Variants in CYSTM1 observed in about 807,000 individuals in gnomAD.
CYSTM1 encodes cysteine-rich transmembrane module-containing protein 1.
In CYSTM1, 4 loss-of-function variants were observed where a neutral mutation model predicts 13.1. The observed-to-expected ratio is 0.31, with a 90% CI of 0.15 to 0.70. The LOEUF (loss-of-function observed/expected upper bound fraction) is 0.70. Among genes scored for constraint, CYSTM1 ranks in the 30% least tolerant of loss-of-function variants. CYSTM1 has a pLI of 0.72. For missense variants in CYSTM1, 96 were observed against 121.6 expected, an observed-to-expected ratio of 0.79 and a Z score of 0.99; for synonymous variants, 36 against 42.7, an observed-to-expected ratio of 0.84 and a Z score of 0.62.
At chr5:140,233,689 T>C (rs2126671479) in intron 2 of CYSTM1, among the ~76,000 whole-genome samples, 1 of 152,350 alleles carries the variant, frequency 6.6e-6, no homozygotes, top group Non-Finnish European at 1.5e-5. Flanking sequence ...TTGTATGTAG[T>C]GGCATCTCAT....
At chr5:140,188,703 C>T (rs1306973950) in intron 1 of CYSTM1, among the ~76,000 whole-genome samples, 5 of 146,826 alleles carry the variant, frequency 3.4e-5, no homozygotes, top group African/African-American at 7.6e-5. Context: ...GGCGTGAACC[C>T]GGAAGGCGGA....
chr5:140,235,119 A>T (rs1315822378), intron 2 of CYSTM1, among the ~76,000 whole-genome samples: 1 of 151,840 alleles, frequency 6.6e-6, no homozygotes, highest in Non-Finnish European at 1.5e-5. Context: ...GGCGCCCGCC[A>T]CCACGCCTGG....
intron 2 of CYSTM1, among the ~76,000 whole-genome samples, chr5:140,238,970 A>G (rs1409576689): frequency 6.6e-6 from 1 of 152,166 alleles, no homozygotes; most frequent in African/African-American, 2.4e-5. Context: ...CTGGGTGCCC[A>G]TCGCTGGTCT....
intron 2 of CYSTM1, among the ~76,000 whole-genome samples, chr5:140,222,496 C>T (rs1764503478): frequency 6.6e-6 from 1 of 152,216 alleles, no homozygotes; most frequent in Admixed American, 6.5e-5. Flanking sequence ...TGTGATTATT[C>T]TCTGTGTTAA....
intron 2 of CYSTM1, among the ~76,000 whole-genome samples, chr5:140,233,726 T>C (rs939669257): frequency 2.0e-5 from 3 of 152,232 alleles, no homozygotes; most frequent in African/African-American, 7.2e-5. Context: ...GTTTTCCTAA[T>C]AGTTAGTGAT....
intron 1 of CYSTM1, among the ~76,000 whole-genome samples, chr5:140,186,509 T>C (rs1371387561): frequency 6.6e-6 from 1 of 152,228 alleles, no homozygotes; most frequent in East Asian, 1.9e-4. Context: ...CATGTGATCA[T>C]CACTTCTATT....
At chr5:140,198,538 T>C (rs1246269143) in intron 2 of CYSTM1, among the ~76,000 whole-genome samples, 3 of 152,192 alleles carry the variant, frequency 2.0e-5, no homozygotes, top group Admixed American at 6.5e-5. Context: ...TAGCTTCCAA[T>C]AGAGTGAAAG....
At chr5:140,193,276 G>A (rs1037290885) in intron 1 of CYSTM1, among the ~76,000 whole-genome samples, 13 of 151,772 alleles carry the variant, frequency 8.6e-5, no homozygotes, top group African/African-American at 3.2e-4. Flanking sequence ...GTAATTGTTT[G>A]TTTGTTTGTT....
chr5:140,240,414 C>A (rs1764734216), intron 2 of CYSTM1, among the ~76,000 whole-genome samples: 7 of 151,650 alleles, frequency 4.6e-5, no homozygotes. Context: ...GTTGGGGCCA[C>A]CTCTGCCACA....
chr5:140,224,187 T>G (rs1252545726), intron 2 of CYSTM1, among the ~76,000 whole-genome samples: 1 of 152,218 alleles, frequency 6.6e-6, no homozygotes, highest in Non-Finnish European at 1.5e-5. Context: ...TTGCCCAGGC[T>G]GGAGTGCAGT....
At chr5:140,231,640 A>G (rs1180505661) in intron 2 of CYSTM1, among the ~76,000 whole-genome samples, 1 of 152,256 alleles carries the variant, frequency 6.6e-6, no homozygotes, top group African/African-American at 2.4e-5. Context: ...ACAGTCCAAG[A>G]AGGCTTCCCC....
chr5:140,187,415 A>G (rs1764031583), intron 1 of CYSTM1, among the ~76,000 whole-genome samples: 1 of 152,006 alleles, frequency 6.6e-6, no homozygotes. Flanking sequence ...CCCAGGCTTG[A>G]GTGCCGTGGT....
chr5:140,199,650 C>T (rs549195905), intron 2 of CYSTM1, among the ~76,000 whole-genome samples: 19 of 152,274 alleles, frequency 1.2e-4, no homozygotes, highest in South Asian at 8.3e-4. Context: ...GCCACCATGG[C>T]TGTAATTTTT....
rs1581076916 is a variant in CYSTM1 at position 140,243,349 on chromosome 5, A to C, written c.232A>C (p.Thr78Pro). Residue 78 changes from threonine to proline, a missense_variant, in exon 3 of 3, where the codon ACC becomes CCC. Coordinates refer to ENST00000261811, the MANE Select transcript of CYSTM1 (RefSeq NM_032412.4). ...AAGAAGAGATGAGCTAGGACCATCC[A>C]CCTGCCTCACAGCCTGCTGGACGGC... ...DQRRDELGPS[T>P]CLTACWTALC... The C allele has an allele frequency of 1.9e-6, 3 of 1,614,102 alleles. No homozygotes were observed. The highest frequency in any genetic ancestry group is 1.1e-5 in the South Asian group (1 of 91,080).
chr5:140,220,948 A>G (rs1462403722), intron 2 of CYSTM1, among the ~76,000 whole-genome samples: 1 of 152,172 alleles, frequency 6.6e-6, no homozygotes, highest in East Asian at 1.9e-4. Flanking sequence ...CCACCAACGT[A>G]CAGAGTTTTG....
chr5:140,239,934 C>T lies in CYSTM1; in HGVS notation c.188-3371C>T, dbSNP rs146924145. ...TAGGGTGGTCTGAGACACTAGATAG[C>T]GAATGAGGGATGAGCCTTTTGGCGC... is the stretch of plus-strand genomic sequence containing the variant. On this transcript the variant is annotated intron_variant, in intron 2 of 2. Coordinates refer to ENST00000261811, the MANE Select transcript of CYSTM1 (RefSeq NM_032412.4). This position sits in a 1 kb window ranked among gnomAD's most constrained non-coding sequence, Gnocchi z 5.4. Among the ~76,000 whole-genome samples the T allele has an allele frequency of 2.4e-4, 36 of 152,268 alleles. No individual in the cohort carries two copies. In the East Asian group the frequency reaches 6.6e-3, roughly 28 times the overall value.
intron 2 of CYSTM1, among the ~76,000 whole-genome samples, chr5:140,240,317 C>T: frequency 6.6e-6 from 1 of 151,806 alleles, no homozygotes; most frequent in South Asian, 2.1e-4. Flanking sequence ...TCTTATGTAA[C>T]CATAGTTCTG....
chr5:140,225,467 G>A (rs1764537800), intron 2 of CYSTM1, among the ~76,000 whole-genome samples: 2 of 152,224 alleles, frequency 1.3e-5, no homozygotes, highest in African/African-American at 4.8e-5. Flanking sequence ...CTGGACTCCA[G>A]CCTCTGGCTG....
Position 140,239,251 on chromosome 5 carries a change from GAGA to G in CYSTM1, c.188-4051_188-4049del, listed in dbSNP as rs1764719542. ...GGGCTGAGAATTGGAGCCTTCACCT[GAGA>G]AGGCCTATACTCACACTTCCTGCAG... is the stretch of plus-strand genomic sequence containing the variant. On this transcript the variant is annotated intron_variant, in intron 2 of 2. Coordinates refer to ENST00000261811, the MANE Select transcript of CYSTM1 (RefSeq NM_032412.4). The surrounding 1 kb of genome is among the most constrained non-coding windows in gnomAD (Gnocchi z 5.4). 6.6e-6 allele frequency among the ~76,000 whole-genome samples: 1 copy of G among 152,122 alleles called. No individual in the cohort carries two copies. Among genetic ancestry groups the G allele is most frequent in the Non-Finnish European group, 1.5e-5 (1 of 68,010 alleles).
Sources: allele counts gnomAD v4.1 joint callset (sites outside exome capture counted in the v4.1 genomes callset), GRCh38; gene constraint gnomAD v4.1.1; non-coding constraint Gnocchi (gnomAD v3.1); transcripts MANE v1.5; gene names NCBI Gene and HGNC (gene_info 2026-07-23, HGNC 2026-07-21).